Variants in WDR72 observed in about 807,000 individuals in gnomAD.
WDR72 encodes the protein WD repeat-containing protein 72.
In WDR72, 120 loss-of-function variants were observed where a neutral mutation model predicts 124.2. The ratio of observed to expected loss-of-function variants is 0.97; its 90% CI spans 0.83 to 1.12. The LOEUF is 1.12. Ranked by LOEUF, WDR72 falls within the 50% of genes most tolerant of loss-of-function variation. The pLI, the probability that WDR72 is intolerant of heterozygous loss-of-function variation, is 0.00. For synonymous variants in WDR72, 452 were observed against 441.7 expected (o/e 1.02, Z -0.29); for missense variants, 1,387 against 1,278.8 (o/e 1.08, Z -1.29).
At position 53,616,373 on chromosome 15, in the gene WDR72, T is replaced by C. The variant is rs929326422; in HGVS notation, c.1963-130A>G. The C allele has an allele frequency of 6.1e-6, 4 of 652,616 alleles. No homozygotes were observed. The African/African-American group carries it at 7.3e-5, about 12-fold the overall frequency. 40.4% of individuals were successfully genotyped at this position (652,616 alleles called of 1,614,324 possible). On this transcript the variant is annotated intron_variant, in intron 14 of 19. Transcript: ENST00000360509. ...GCTAAAGGCAAGTCATTTCAATTTTTTTGTCTTAGCTATAAAAATTCATTT... is the reference window on the plus strand; with the variant it reads ...GCTAAAGGCAAGTCATTTCAATTTTCTTGTCTTAGCTATAAAAATTCATTT...
intron 12 of WDR72, among the ~76,000 whole-genome samples, chr15:53,700,376 A>C (rs2017134798): frequency 6.6e-6 from 1 of 152,208 alleles, no homozygotes; most frequent in Admixed American, 6.5e-5. Flanking sequence ...TCAAAATGTG[A>C]TTTGGTGCTG....
Position 53,672,312 on chromosome 15 carries a change from T to TAAAAAAAAAA in WDR72, c.1766-6554_1766-6545dup, listed in dbSNP as rs5812704. 1.5e-5 allele frequency among the ~76,000 whole-genome samples: 2 copies of TAAAAAAAAAA among 136,448 alleles called. 1 individual carries two copies. The allele number at this position is 136,448 out of a possible 152,430, so 89.5% of individuals were successfully genotyped here. On this transcript the variant is annotated intron_variant, in intron 13 of 19. Transcript: ENST00000360509. Reference sequence around the variant, plus strand: ...ACATAGGTGAGGATTAAATGCCGATTAAAAAAAAAAAAAAGCCACTCCAAG... The same window carrying TAAAAAAAAAA: ...ACATAGGTGAGGATTAAATGCCGATTAAAAAAAAAAAAAAAAAAAAAAAAGCCACTCCAAG...
intron 14 of WDR72, 111 bp from the exon 15 acceptor site, chr15:53,616,354 G>A: frequency 3.8e-6 from 3 of 797,904 alleles, no homozygotes; most frequent in African/African-American, 1.7e-5. Flanking sequence ...AGCAGCTAAA[G>A]GCAAGTCATT....
At chr15:53,702,083 T>G in intron 12 of WDR72, 51 bp downstream of exon 12, 1 of 1,375,116 alleles carries the variant, frequency 7.3e-7, no homozygotes, top group Non-Finnish European at 1.0e-6. Flanking sequence ...AAGTATTCTA[T>G]AATTTATATA....
chr15:53,727,427 C>T lies in WDR72; in HGVS notation c.154-4519G>A, dbSNP rs187776455. 2.9e-3 allele frequency among the ~76,000 whole-genome samples: 434 copies of T among 152,220 alleles called. 2 individuals are homozygous for T. Among genetic ancestry groups the T allele is most frequent in the Non-Finnish European group, 3.9e-3 (266 of 68,010 alleles). Reference sequence around the variant, plus strand: ...ATTGTTCTCTGCCTTTGTATCATTTCTATCATAATCAGAAATATTTCCTTC... The same window carrying T: ...ATTGTTCTCTGCCTTTGTATCATTTTTATCATAATCAGAAATATTTCCTTC... On this transcript the variant is annotated intron_variant, in intron 2 of 19. Transcript: ENST00000360509.
chr15:53,593,179 T>A (rs1055515497), intron 18 of WDR72, among the ~76,000 whole-genome samples: 3 of 152,094 alleles, frequency 2.0e-5, no homozygotes, highest in African/African-American at 7.2e-5. Flanking sequence ...GAGATGGCAA[T>A]AATTAAATAT....
chr15:53,565,993 T>G (rs1894283601), intron 18 of WDR72, among the ~76,000 whole-genome samples: 1 of 151,970 alleles, frequency 6.6e-6, no homozygotes, highest in African/African-American at 2.4e-5. Context: ...GGGTTACATT[T>G]TAGAAAGCTA....
chr15:53,688,619 G>A (rs551532917), intron 13 of WDR72, among the ~76,000 whole-genome samples: 5 of 152,180 alleles, frequency 3.3e-5, no homozygotes, highest in South Asian at 2.1e-4. Context: ...AATCAATATC[G>A]TGAAAATGGC....
At chr15:53,573,328 A>C (rs943492363) in intron 18 of WDR72, among the ~76,000 whole-genome samples, 1 of 152,196 alleles carries the variant, frequency 6.6e-6, no homozygotes, top group Non-Finnish European at 1.5e-5. Context: ...ATGTTGCATC[A>C]ATTCACAATG....
intron 11 of WDR72, among the ~76,000 whole-genome samples, chr15:53,703,016 T>G (rs1033178322): frequency 9.9e-5 from 15 of 151,882 alleles, no homozygotes; most frequent in African/African-American, 3.6e-4. Context: ...TGGGCTCGGA[T>G]GATCCTTCCA....
intron 14 of WDR72, among the ~76,000 whole-genome samples, chr15:53,641,333 G>A (rs977909937): frequency 6.6e-6 from 1 of 151,732 alleles, no homozygotes; most frequent in African/African-American, 2.4e-5. Context: ...TGTACCAAGT[G>A]CTACTATTTT....
chr15:53,663,223 A>T (rs1240673853), intron 14 of WDR72, among the ~76,000 whole-genome samples: 3 of 152,110 alleles, frequency 2.0e-5, no homozygotes, highest in African/African-American at 7.2e-5. Flanking sequence ...ATAACTTAGG[A>T]GAAGCACAAA....
At chr15:53,689,985 A>G (rs1449742729) in intron 13 of WDR72, among the ~76,000 whole-genome samples, 3 of 147,304 alleles carry the variant, frequency 2.0e-5, no homozygotes, top group Non-Finnish European at 3.0e-5. Flanking sequence ...CAAACACCGC[A>G]TATTCTCACT....
At chr15:53,760,987 G>T (rs1423406141), upstream of WDR72, among the ~76,000 whole-genome samples, 1 of 152,032 alleles carries the variant, frequency 6.6e-6, no homozygotes, top group Admixed American at 6.5e-5. Flanking sequence ...AGCTGCTCAT[G>T]GTGGTGTGTG....
At chr15:53,744,158 G>A (rs1003234756) in intron 1 of WDR72, among the ~76,000 whole-genome samples, 1 of 152,084 alleles carries the variant, frequency 6.6e-6, no homozygotes, top group African/African-American at 2.4e-5. Context: ...CTAAATCAGG[G>A]CCTCCCATCA....
chr15:53,711,471 T>C lies in WDR72; in HGVS notation c.722A>G (p.Tyr241Cys), dbSNP rs1350534829. The C allele has an allele frequency of 6.2e-7, 1 of 1,614,130 alleles. No homozygotes were observed. The highest frequency in any genetic ancestry group is 2.2e-5 in the East Asian group (1 of 44,886). ...AGTCAGCAGAAGGGAAAAATCACAATAATCATAAACCTAAAATATGAAGTT... is the reference window on the plus strand; with the variant it reads ...AGTCAGCAGAAGGGAAAAATCACAACAATCATAAACCTAAAATATGAAGTT... ...VFSKCWKVYD[Y>C]CDFSLLLTEV... Residue 241 changes from tyrosine (Y) to cysteine (C), a missense_variant, in exon 8 of 20, where the codon TAT becomes TGT. By Grantham distance (194) the Tyr-to-Cys change is radical (BLOSUM62 -2). Coordinates refer to ENST00000360509, the MANE Select transcript of WDR72 (RefSeq NM_182758.4).
At chr15:53,726,748 G>T (rs1595876861) in intron 2 of WDR72, among the ~76,000 whole-genome samples, 1 of 152,066 alleles carries the variant, frequency 6.6e-6, no homozygotes, top group Non-Finnish European at 1.5e-5. Context: ...GGAGGCTAAG[G>T]TGGAAGAATC....
rs912246321 is a variant in WDR72, at chr15:53,577,475, T to TA, written c.3148+19603dup. The stretch of plus-strand genomic sequence containing the variant: ...CATTTGATCTTACAGAAGGCTAATA[T>TA]AAAAAAAACTGTCATGTTTAAGAGC... On this transcript the variant is annotated intron_variant, in intron 18 of 19. Coordinates refer to ENST00000360509, the MANE Select transcript of WDR72 (RefSeq NM_182758.4). Among the ~76,000 whole-genome samples the TA allele has an allele frequency of 5.3e-5, 8 of 152,064 alleles. No individual in the cohort carries two copies. The Middle Eastern group carries it at 0.01, about 194-fold the overall frequency.
chr15:53,572,892 T>C (rs533439787), intron 18 of WDR72, among the ~76,000 whole-genome samples: 1 of 152,342 alleles, frequency 6.6e-6, no homozygotes, highest in South Asian at 2.1e-4. Flanking sequence ...TTTTCTATCC[T>C]TTCATCACAA....
Sources: allele counts gnomAD v4.1 joint callset (sites outside exome capture counted in the v4.1 genomes callset), GRCh38; gene constraint gnomAD v4.1.1; transcripts MANE v1.5; gene names NCBI Gene and HGNC (gene_info 2026-07-23, HGNC 2026-07-21).